Variants in CNTNAP2 observed in about 807,000 individuals in gnomAD.
CNTNAP2 encodes the protein contactin associated protein 2, also known as contactin-associated protein-like 2.
A neutral mutation model predicts 155.2 loss-of-function variants in CNTNAP2; 98 were observed. The observed-to-expected ratio is 0.63, with a 90% CI of 0.54 to 0.75. The LOEUF (loss-of-function observed/expected upper bound fraction) is 0.75. Among genes scored for constraint, CNTNAP2 ranks in the 30% least tolerant of loss-of-function variants. CNTNAP2 has a pLI of 0.00. For missense variants in CNTNAP2, 1,727 were observed against 1,688.1 expected (o/e 1.02, Z -0.40); for synonymous variants, 651 against 631.2 (o/e 1.03, Z -0.47).
At chr7:148,247,461 A>C (rs1796282494) in intron 20 of CNTNAP2, among the ~76,000 whole-genome samples, 1 of 151,938 alleles carries the variant, frequency 6.6e-6, no homozygotes, top group Non-Finnish European at 1.5e-5. Context: ...TCAGCAAATA[A>C]GCATGCAGAT....
At chr7:147,699,508 G>T (rs1796206864) in intron 13 of CNTNAP2, among the ~76,000 whole-genome samples, 1 of 151,994 alleles carries the variant, frequency 6.6e-6, no homozygotes. Context: ...TAGATGACGG[G>T]TTGATGGGTG....
intron 13 of CNTNAP2, among the ~76,000 whole-genome samples, chr7:147,856,389 A>G (rs932128326): frequency 6.6e-6 from 1 of 152,154 alleles, no homozygotes; most frequent in Non-Finnish European, 1.5e-5. Context: ...CCCTTCTCAT[A>G]TCATAACTCA....
chr7:147,979,564 CTT>C (rs1801486706), intron 15 of CNTNAP2, among the ~76,000 whole-genome samples: 2 of 152,170 alleles, frequency 1.3e-5, no homozygotes, highest in African/African-American at 4.8e-5. Flanking sequence ...AATTGATTAA[CTT>C]AATATATTTA....
intron 8 of CNTNAP2, among the ~76,000 whole-genome samples, chr7:147,137,643 T>C (rs1204458255): frequency 6.6e-6 from 1 of 151,880 alleles, no homozygotes. Context: ...AAGTTTCACC[T>C]TAAATAATAA....
At chr7:147,203,570 T>A (rs1036556848) in intron 8 of CNTNAP2, among the ~76,000 whole-genome samples, 10 of 152,092 alleles carry the variant, frequency 6.6e-5, no homozygotes, top group African/African-American at 2.2e-4. Flanking sequence ...ACAGAAACCA[T>A]GAGAATAGTC....
At chr7:146,908,632 T>C (rs1469811343) in intron 3 of CNTNAP2, among the ~76,000 whole-genome samples, 1 of 126,972 alleles carries the variant, frequency 7.9e-6, no homozygotes, top group African/African-American at 3.1e-5. Context: ...TACCAGAATC[T>C]CTGGGACGCA....
chr7:147,496,493 C>G (rs1379067039), intron 11 of CNTNAP2: 1 of 152,130 alleles, frequency 6.6e-6, no homozygotes, highest in Non-Finnish European at 1.5e-5. Context: ...GATACAGACG[C>G]TTTTATTTTA....
intron 3 of CNTNAP2, among the ~76,000 whole-genome samples, chr7:147,034,790 G>T (rs778562965): frequency 6.6e-6 from 1 of 152,092 alleles, no homozygotes; most frequent in Non-Finnish European, 1.5e-5. Flanking sequence ...GGCTGAATCC[G>T]GTGTGCTTTT....
intron 1 of CNTNAP2, among the ~76,000 whole-genome samples, chr7:146,762,786 G>A (rs1802125963): frequency 6.6e-6 from 1 of 152,074 alleles, no homozygotes; most frequent in South Asian, 2.1e-4. Context: ...TGTCTTACAT[G>A]GTGGCAGGCA....
At chr7:147,817,572 C>T (rs112758687) in intron 13 of CNTNAP2, among the ~76,000 whole-genome samples, 14 of 151,526 alleles carry the variant, frequency 9.2e-5, no homozygotes, top group African/African-American at 3.4e-4. Context: ...TAATTAAATG[C>T]CACCTGTACT....
chr7:146,574,219 A>G (rs1379336825), intron 1 of CNTNAP2, among the ~76,000 whole-genome samples: 2 of 132,696 alleles, frequency 1.5e-5, no homozygotes, highest in Admixed American at 7.3e-5. Flanking sequence ...AAAACAAAAC[A>G]AAAATAACAC....
chr7:146,140,958 C>A (rs1022130778), intron 1 of CNTNAP2, among the ~76,000 whole-genome samples: 1 of 152,138 alleles, frequency 6.6e-6, no homozygotes, highest in African/African-American at 2.4e-5. Flanking sequence ...TTTCCCACCA[C>A]CCAGTGACTG....
intron 21 of CNTNAP2, among the ~76,000 whole-genome samples, chr7:148,323,476 T>G (rs2116541443): frequency 6.6e-6 from 1 of 152,086 alleles, no homozygotes; most frequent in South Asian, 2.1e-4. Context: ...CATGCCTACT[T>G]TTCACTTTGC....
At chr7:146,873,529 T>TCCA (rs1795357797) in intron 3 of CNTNAP2, among the ~76,000 whole-genome samples, 3 of 151,992 alleles carry the variant, frequency 2.0e-5, no homozygotes, top group Admixed American at 6.6e-5. Context: ...GAACTGGAAG[T>TCCA]GCATGCGATT....
chr7:148,407,443 C>CTGACAG, intron 22 of CNTNAP2, among the ~76,000 whole-genome samples: 1 of 152,096 alleles, frequency 6.6e-6, no homozygotes, highest in African/African-American at 2.4e-5. Flanking sequence ...GTGGCTCACA[C>CTGACAG]CTGTAATCCC....
At chr7:146,314,745 C>T (rs138228376) in intron 1 of CNTNAP2, among the ~76,000 whole-genome samples, 1 of 152,236 alleles carries the variant, frequency 6.6e-6, no homozygotes, top group Non-Finnish European at 1.5e-5. Flanking sequence ...TCTATATTTA[C>T]TGCTGGGTCA....
chr7:146,249,813 C>T (rs1367204883), intron 1 of CNTNAP2, among the ~76,000 whole-genome samples: 3 of 151,694 alleles, frequency 2.0e-5, no homozygotes, highest in African/African-American at 7.3e-5. Context: ...CTTGGCCGTT[C>T]ATTAGATTAG....
At chr7:147,280,122 G>A (rs985525107) in intron 8 of CNTNAP2, among the ~76,000 whole-genome samples, 2 of 151,918 alleles carry the variant, frequency 1.3e-5, no homozygotes, top group African/African-American at 4.8e-5. Flanking sequence ...CATAACTTTT[G>A]TTTGAGCCAA....
At chr7:146,630,473 A>G (rs990960500) in intron 1 of CNTNAP2, among the ~76,000 whole-genome samples, 1 of 152,102 alleles carries the variant, frequency 6.6e-6, no homozygotes, top group African/African-American at 2.4e-5. Flanking sequence ...TAGTAGAATG[A>G]TTTATAATCC....
Sources: gnomAD v4.1 joint callset for allele counts (sites outside exome capture counted in the v4.1 genomes callset) on GRCh38, gnomAD v4.1.1 for gene constraint, MANE v1.5 for transcripts, NCBI Gene and HGNC (gene_info 2026-07-23, HGNC 2026-07-21) for gene names.